PCDH15: variants seen among roughly 807,000 people sequenced by gnomAD.
PCDH15 encodes protocadherin-15.
Under a neutral mutation model 178.5 loss-of-function variants are expected in PCDH15, and 129 were observed. The ratio of observed to expected loss-of-function variants is 0.72; its 90% CI spans 0.63 to 0.84. The LOEUF (loss-of-function observed/expected upper bound fraction) is 0.84. Ranked by LOEUF, PCDH15 falls within the 40% of genes least tolerant of loss-of-function variation. PCDH15 has a pLI of 0.00. For synonymous variants in PCDH15, 800 were observed against 732.0 expected (o/e 1.09, Z -1.50); for missense variants, 2,230 against 2,099.9 (o/e 1.06, Z -1.21).
intron 2 of PCDH15, among the ~76,000 whole-genome samples, chr10:54,988,211 C>T (rs1839417650): frequency 6.6e-6 from 1 of 152,014 alleles, no homozygotes; most frequent in South Asian, 2.1e-4. Flanking sequence ...TTTTCTGTTC[C>T]CTTGGTCTAT....
At chr10:54,220,710 A>G (rs1173484560) in intron 9 of PCDH15, among the ~76,000 whole-genome samples, 1 of 152,024 alleles carries the variant, frequency 6.6e-6, no homozygotes, top group Non-Finnish European at 1.5e-5. Flanking sequence ...CTGTAGTCCT[A>G]GCTACTCCGG....
At chr10:55,226,349 TTTTTG>T (rs1056824756) in intron 1 of PCDH15, among the ~76,000 whole-genome samples, 28 of 151,460 alleles carry the variant, frequency 1.8e-4, no homozygotes, top group Non-Finnish European at 2.5e-4. Context: ...CAGAATAGTT[TTTTTG>T]TTTTGTTTTG....
intron 3 of PCDH15, among the ~76,000 whole-genome samples, chr10:54,444,692 T>C (rs1216114740): frequency 6.6e-6 from 1 of 151,606 alleles, no homozygotes; most frequent in Non-Finnish European, 1.5e-5. Context: ...TTACTTATAG[T>C]TTTTCCTGAA....
At chr10:55,192,789 A>G (rs1339993028) in intron 1 of PCDH15, among the ~76,000 whole-genome samples, 1 of 151,452 alleles carries the variant, frequency 6.6e-6, no homozygotes, top group Non-Finnish European at 1.5e-5. Context: ...ACATAGACAT[A>G]TGTACATGCA....
chr10:54,723,273 A>G (rs1941943300), intron 1 of PCDH15, among the ~76,000 whole-genome samples: 1 of 151,712 alleles, frequency 6.6e-6, no homozygotes, highest in South Asian at 2.1e-4. Flanking sequence ...GATCTTCAAA[A>G]TGTTAACAAA....
At chr10:55,414,439 T>C (rs1272339382) in intron 2 of PCDH15, among the ~76,000 whole-genome samples, 1 of 151,568 alleles carries the variant, frequency 6.6e-6, no homozygotes, top group Non-Finnish European at 1.5e-5. Context: ...TTGCATTAAA[T>C]TTGAATATTA....
intron 2 of PCDH15, among the ~76,000 whole-genome samples, chr10:54,638,829 T>C (rs1406673241): frequency 1.3e-5 from 2 of 152,048 alleles, no homozygotes; most frequent in Non-Finnish European, 2.9e-5. Context: ...ACATGGTATA[T>C]AGACACCACG....
intron 2 of PCDH15, among the ~76,000 whole-genome samples, chr10:54,938,191 T>C (rs1247309529): frequency 6.6e-6 from 1 of 152,034 alleles, no homozygotes; most frequent in African/African-American, 2.4e-5. Flanking sequence ...ACTTTTTATA[T>C]GTTGATGGAT....
intron 20 of PCDH15, among the ~76,000 whole-genome samples, chr10:54,008,858 T>C (rs955090722): frequency 6.6e-6 from 1 of 152,196 alleles, no homozygotes; most frequent in Non-Finnish European, 1.5e-5. Flanking sequence ...GTCCAGAAGA[T>C]ATTTTGCTAT....
chr10:54,696,785 A>G (rs562384692), intron 1 of PCDH15, among the ~76,000 whole-genome samples: 27 of 152,228 alleles, frequency 1.8e-4, no homozygotes, highest in African/African-American at 6.0e-4. Flanking sequence ...TTTGTTTTGA[A>G]TAATACTTCC....
chr10:54,359,571 A>C (rs1945661766), intron 5 of PCDH15, among the ~76,000 whole-genome samples: 1 of 152,012 alleles, frequency 6.6e-6, no homozygotes, highest in Non-Finnish European at 1.5e-5. Context: ...TAAGAAAAAT[A>C]ATGTTTAAAT....
chr10:54,772,926 T>C (rs1949265215), intron 1 of PCDH15, among the ~76,000 whole-genome samples: 1 of 152,160 alleles, frequency 6.6e-6, no homozygotes, highest in Non-Finnish European at 1.5e-5. Flanking sequence ...CATAGAATAC[T>C]ATGCAGCATA....
intron 17 of PCDH15, among the ~76,000 whole-genome samples, chr10:54,077,264 A>C (rs2094358056): frequency 6.6e-6 from 1 of 152,188 alleles, no homozygotes; most frequent in Admixed American, 6.5e-5. Flanking sequence ...AGGACCTAGA[A>C]ATGCTAAGTG....
At chr10:54,230,137 A>T (rs2053896214) in intron 9 of PCDH15, among the ~76,000 whole-genome samples, 1 of 152,192 alleles carries the variant, frequency 6.6e-6, no homozygotes, top group Non-Finnish European at 1.5e-5. Context: ...ACTATTTTAA[A>T]TAAATTCTAT....
At chr10:55,430,302 A>C (rs985880041) in intron 2 of PCDH15, among the ~76,000 whole-genome samples, 2 of 102,758 alleles carry the variant, frequency 1.9e-5, no homozygotes, top group South Asian at 5.5e-4. Flanking sequence ...AAAATAAATA[A>C]ATAGTTGAAA....
rs1016571189 is a variant in PCDH15 at position 55,264,535 on chromosome 10, G to T, written c.-156+55064C>A. ...CAGGCCTCAGGGATGCCAGGTGGAA[G>T]GGATAGGGAGGACGCTTGCTTTATC... On this transcript the variant is annotated intron_variant, in intron 1 of 5. Transcript: ENST00000458638. Among the ~76,000 whole-genome samples the T allele has an allele frequency of 4.5e-4, 68 of 152,298 alleles. 1 individual carries two copies. The highest frequency in any genetic ancestry group is 1.5e-3 in the African/African-American group (64 of 41,578).
At chr10:54,484,758 A>G (rs1421641430) in intron 3 of PCDH15, among the ~76,000 whole-genome samples, 1 of 151,860 alleles carries the variant, frequency 6.6e-6, no homozygotes, top group Non-Finnish European at 1.5e-5. Flanking sequence ...AAGGAGTTGG[A>G]AAAAAATTAA....
chr10:54,669,511 T>G (rs191020576), intron 1 of PCDH15, among the ~76,000 whole-genome samples: 1 of 151,312 alleles, frequency 6.6e-6, no homozygotes, highest in African/African-American at 2.4e-5. Context: ...TAATGATAGG[T>G]AATATCAATG....
intron 2 of PCDH15, chr10:55,600,170 C>T: frequency 3.6e-6 from 1 of 278,568 alleles, no homozygotes; most frequent in Non-Finnish European, 6.7e-6. Context: ...CGAGACCATC[C>T]TGGCTAACAT....
Sources: allele counts gnomAD v4.1 joint callset (sites outside exome capture counted in the v4.1 genomes callset), GRCh38; gene constraint gnomAD v4.1.1; transcripts MANE v1.5; gene names NCBI Gene and HGNC (gene_info 2026-07-23, HGNC 2026-07-21).